IGSF11: variants seen among roughly 807,000 people sequenced by gnomAD.
IGSF11 encodes immunoglobulin superfamily member 11, also known as CXADR like 1.
Under a neutral mutation model 41.0 loss-of-function variants are expected in IGSF11, and 22 were observed. The observed-to-expected ratio is 0.54, with a 90% CI of 0.38 to 0.77. IGSF11 has a LOEUF of 0.77. IGSF11 is among the 30% of genes least tolerant of loss of function. IGSF11 has a pLI of 0.00. For synonymous variants in IGSF11, 219 were observed against 201.3 expected, an observed-to-expected ratio of 1.09 and a Z score of -0.74; for missense variants, 444 against 530.8, an observed-to-expected ratio of 0.84 and a Z score of 1.61.
At chr3:119,051,426 T>A (rs1182367436) in intron 1 of IGSF11, among the ~76,000 whole-genome samples, 1 of 151,896 alleles carries the variant, frequency 6.6e-6, no homozygotes, top group East Asian at 1.9e-4. Context: ...CAGGAAAATA[T>A]CACAATTCTA....
At chr3:119,098,082 G>C (rs2076884296) in intron 1 of IGSF11, among the ~76,000 whole-genome samples, 1 of 149,452 alleles carries the variant, frequency 6.7e-6, no homozygotes, top group South Asian at 2.1e-4. Flanking sequence ...TTAAAGGTGT[G>C]AGCCACCGCA....
intron 1 of IGSF11, among the ~76,000 whole-genome samples, chr3:118,995,779 A>G (rs1038843763): frequency 6.6e-6 from 1 of 152,052 alleles, no homozygotes; most frequent in Non-Finnish European, 1.5e-5. Context: ...CAGCCTCCTG[A>G]GTAGCTGGGA....
chr3:118,939,989 A>G (rs1453417276), intron 1 of IGSF11, among the ~76,000 whole-genome samples: 1 of 152,182 alleles, frequency 6.6e-6, no homozygotes, highest in Non-Finnish European at 1.5e-5. Flanking sequence ...AAAGTCACAA[A>G]TTATCAATTC....
chr3:119,018,473 T>C (rs2107708484), intron 1 of IGSF11, among the ~76,000 whole-genome samples: 1 of 152,338 alleles, frequency 6.6e-6, no homozygotes, highest in South Asian at 2.1e-4. Flanking sequence ...AGAGAAAATG[T>C]AATCCACTTA....
At chr3:118,923,750 G>A (rs184842733) in intron 4 of IGSF11, among the ~76,000 whole-genome samples, 14 of 151,284 alleles carry the variant, frequency 9.3e-5, no homozygotes, top group Non-Finnish European at 1.8e-4. Flanking sequence ...TTGCCTTCAC[G>A]TTTGTTTGTT....
At chr3:119,034,206 T>C (rs1343399059) in intron 1 of IGSF11, among the ~76,000 whole-genome samples, 1 of 152,116 alleles carries the variant, frequency 6.6e-6, no homozygotes, top group African/African-American at 2.4e-5. Context: ...ACTGGACCAG[T>C]GAGTAAGGGA....
At chr3:119,121,814 G>C (rs778941414) in intron 1 of IGSF11, among the ~76,000 whole-genome samples, 3 of 151,934 alleles carry the variant, frequency 2.0e-5, no homozygotes, top group Non-Finnish European at 2.9e-5. Flanking sequence ...GGTGGCAAGA[G>C]AAAAACAACC....
chr3:119,056,945 A>G (rs143087915), intron 1 of IGSF11, among the ~76,000 whole-genome samples: 1 of 152,332 alleles, frequency 6.6e-6, no homozygotes, highest in African/African-American at 2.4e-5. Flanking sequence ...AATATTCTCA[A>G]TAAATTAGGT....
chr3:118,929,971 G>GGAGTAGGCCTTAAAA (rs1942704980), intron 2 of IGSF11, 141 bp downstream of exon 2: 2 of 661,144 alleles, frequency 3.0e-6, no homozygotes, highest in Non-Finnish European at 2.5e-6. Flanking sequence ...ATAGGGCAGA[G>GGAGTAGGCCTTAAAA]GAGTAGGCCT....
At chr3:118,936,946 T>TC (rs1233048904) in intron 1 of IGSF11, among the ~76,000 whole-genome samples, 1 of 151,990 alleles carries the variant, frequency 6.6e-6, no homozygotes, top group African/African-American at 2.4e-5. Context: ...TGACATGAAA[T>TC]CCCCCCTGCA....
At chr3:118,939,118 T>C (rs1288321561) in intron 1 of IGSF11, among the ~76,000 whole-genome samples, 2 of 152,202 alleles carry the variant, frequency 1.3e-5, no homozygotes, top group African/African-American at 2.4e-5. Flanking sequence ...CCATAGAATA[T>C]ATATTATTTT....
chr3:118,941,952 G>A (rs915426951), intron 1 of IGSF11, among the ~76,000 whole-genome samples: 1 of 152,152 alleles, frequency 6.6e-6, no homozygotes, highest in South Asian at 2.1e-4. Context: ...AGCAGCAGTT[G>A]CCAGATGCTG....
chr3:118,977,635 G>A (rs1259855556), intron 1 of IGSF11, among the ~76,000 whole-genome samples: 2 of 152,164 alleles, frequency 1.3e-5, no homozygotes, highest in Admixed American at 1.3e-4. Flanking sequence ...GATCATCTTG[G>A]AACTCCCCAG....
intron 1 of IGSF11, among the ~76,000 whole-genome samples, chr3:118,998,339 T>G (rs1197885886): frequency 1.3e-5 from 2 of 152,158 alleles, no homozygotes; most frequent in Non-Finnish European, 1.5e-5. Context: ...ATTAGAATTG[T>G]TGAAGTCAAT....
At chr3:119,119,330 A>G (rs536678246) in intron 1 of IGSF11, among the ~76,000 whole-genome samples, 2 of 152,336 alleles carry the variant, frequency 1.3e-5, no homozygotes, top group South Asian at 4.1e-4. Flanking sequence ...CACATCTTAC[A>G]TGGATGGCAG....
chr3:119,133,292 A>C (rs890650415), intron 1 of IGSF11, among the ~76,000 whole-genome samples: 1 of 152,202 alleles, frequency 6.6e-6, no homozygotes, highest in East Asian at 1.9e-4. Context: ...GGTTTTTTGA[A>C]AAGATCAACA....
At chr3:119,133,151 A>G (rs1266358186) in intron 1 of IGSF11, among the ~76,000 whole-genome samples, 3 of 152,340 alleles carry the variant, frequency 2.0e-5, no homozygotes, top group Non-Finnish European at 2.9e-5. Flanking sequence ...ATCACAATTA[A>G]AAGAACTAGA....
intron 1 of IGSF11, among the ~76,000 whole-genome samples, chr3:119,097,066 G>T (rs941069127): frequency 2.0e-5 from 3 of 152,116 alleles, no homozygotes; most frequent in Admixed American, 6.5e-5. Context: ...GATAATCCAG[G>T]ATAATCTCCT....
At chr3:118,956,031 T>C (rs1292281121) in intron 1 of IGSF11, among the ~76,000 whole-genome samples, 1 of 152,212 alleles carries the variant, frequency 6.6e-6, no homozygotes, top group Non-Finnish European at 1.5e-5. Flanking sequence ...AATCAGCACT[T>C]GCTGCTTTAT....
Sources: gnomAD v4.1 joint callset for allele counts (sites outside exome capture counted in the v4.1 genomes callset) on GRCh38, gnomAD v4.1.1 for gene constraint, MANE v1.5 for transcripts, NCBI Gene and HGNC (gene_info 2026-07-23, HGNC 2026-07-21) for gene names.